Variants in DEPTOR observed in about 807,000 individuals in gnomAD.
DEPTOR encodes DEP domain containing MTOR interacting protein.
A neutral mutation model predicts 41.6 loss-of-function variants in DEPTOR; 41 were observed. The observed-to-expected ratio is 0.98, with a 90% confidence interval of 0.77 to 1.28. DEPTOR has a LOEUF of 1.28. Ranked by LOEUF, DEPTOR falls within the 50% of genes most tolerant of loss-of-function variation. DEPTOR has a pLI of 0.00. For synonymous variants in DEPTOR, 195 were observed against 192.3 expected, an observed-to-expected ratio of 1.01 and a Z score of -0.12; for missense variants, 514 against 527.9, an observed-to-expected ratio of 0.97 and a Z score of 0.26.
intron 3 of DEPTOR, among the ~76,000 whole-genome samples, chr8:119,954,918 G>A (rs1480892704): frequency 6.6e-6 from 1 of 151,926 alleles, no homozygotes; most frequent in Admixed American, 6.6e-5. Context: ...GAGTGCAGTG[G>A]CACAATCTTG....
chr8:119,893,315 AG>A (rs1827474324), intron 1 of DEPTOR, among the ~76,000 whole-genome samples: 1 of 152,202 alleles, frequency 6.6e-6, no homozygotes, highest in South Asian at 2.1e-4. Context: ...CTTTCCCTAA[AG>A]GGGAACACAG....
At position 120,025,299 on chromosome 8, in the gene DEPTOR, G is replaced by A. The variant is rs185091438; in HGVS notation, c.1101+16166G>A. Among the ~76,000 whole-genome samples the A allele has an allele frequency of 6.9e-4, 105 of 152,302 alleles. 1 individual carries two copies. Among genetic ancestry groups the A allele is most frequent in the African/African-American group, 2.4e-3 (98 of 41,564 alleles). Reference sequence around the variant, plus strand: ...AGAATTTTGTGATGAAGACTGTAAAGTCAAGTGTTGGGTCTGTCATTTTGC... The same window carrying A: ...AGAATTTTGTGATGAAGACTGTAAAATCAAGTGTTGGGTCTGTCATTTTGC... On this transcript the variant is annotated intron_variant, in intron 8 of 8. Transcript: ENST00000286234.
At chr8:120,010,678 T>G (rs571977870) in intron 8 of DEPTOR, among the ~76,000 whole-genome samples, 9 of 151,936 alleles carry the variant, frequency 5.9e-5, no homozygotes, top group African/African-American at 1.9e-4. Flanking sequence ...GGAAAATATA[T>G]GCAAGCAGGA....
chr8:119,999,184 G>T (rs1328966725), intron 4 of DEPTOR, among the ~76,000 whole-genome samples: 1 of 151,264 alleles, frequency 6.6e-6, no homozygotes, highest in Admixed American at 6.6e-5. Flanking sequence ...CAGGAGAATC[G>T]CTTGAACCCG....
intron 1 of DEPTOR, among the ~76,000 whole-genome samples, chr8:119,894,349 G>C (rs1490618192): frequency 4.0e-5 from 6 of 151,020 alleles, no homozygotes. Flanking sequence ...TATGTCTTTG[G>C]TGTGAACCAC....
At chr8:119,996,175 GA>G (rs2130065946) in intron 4 of DEPTOR, among the ~76,000 whole-genome samples, 1 of 152,272 alleles carries the variant, frequency 6.6e-6, no homozygotes, top group African/African-American at 2.4e-5. Flanking sequence ...CTGCTCCTGA[GA>G]CACTCGGATC....
intron 1 of DEPTOR, among the ~76,000 whole-genome samples, chr8:119,882,605 T>G (rs1424210403): frequency 1.3e-5 from 2 of 151,918 alleles, no homozygotes; most frequent in African/African-American, 4.8e-5. Flanking sequence ...GATGGGGTCT[T>G]GCCATGTTGC....
chr8:120,021,121 T>C (rs1028090881), intron 8 of DEPTOR, among the ~76,000 whole-genome samples: 3 of 65,328 alleles, frequency 4.6e-5, no homozygotes, highest in Admixed American at 1.9e-4. Flanking sequence ...AAATGGAATA[T>C]GTGGGCCAGG....
intron 3 of DEPTOR, among the ~76,000 whole-genome samples, chr8:119,961,460 C>T (rs534048743): frequency 1.7e-4 from 26 of 149,422 alleles, no homozygotes; most frequent in South Asian, 4.3e-4. Flanking sequence ...CTCAAAGCTA[C>T]TAAGTGACTC....
At chr8:119,992,803 C>T (rs1023729727) in intron 4 of DEPTOR, among the ~76,000 whole-genome samples, 2 of 151,774 alleles carry the variant, frequency 1.3e-5, no homozygotes, top group African/African-American at 2.4e-5. Flanking sequence ...ATTACAGGTG[C>T]GCACCACCAT....
intron 8 of DEPTOR, among the ~76,000 whole-genome samples, chr8:120,022,425 A>G (rs555991420): frequency 8.9e-4 from 135 of 152,266 alleles, no homozygotes; most frequent in African/African-American, 3.1e-3. Context: ...TCTTGGTACA[A>G]TCCTGTGCTT....
At chr8:119,994,696 T>A (rs1404749225) in intron 4 of DEPTOR, among the ~76,000 whole-genome samples, 1 of 152,042 alleles carries the variant, frequency 6.6e-6, no homozygotes, top group Non-Finnish European at 1.5e-5. Flanking sequence ...GGTGGGCAGA[T>A]CACGAGGTCA....
At chr8:119,957,177 C>A (rs540727177) in intron 3 of DEPTOR, among the ~76,000 whole-genome samples, 1 of 152,268 alleles carries the variant, frequency 6.6e-6, no homozygotes, top group Admixed American at 6.5e-5. Flanking sequence ...GAGTGAGCAA[C>A]TGCACCCAGC....
At chr8:119,945,702 T>C (rs1242669976) in intron 3 of DEPTOR, among the ~76,000 whole-genome samples, 1 of 152,224 alleles carries the variant, frequency 6.6e-6, no homozygotes. Context: ...AGAGGGTCAG[T>C]TGATTCCATC....
At chr8:119,960,730 T>C (rs1432964083) in intron 3 of DEPTOR, among the ~76,000 whole-genome samples, 1 of 152,188 alleles carries the variant, frequency 6.6e-6, no homozygotes, top group Non-Finnish European at 1.5e-5. Context: ...GAAAAGTGGC[T>C]CCCAGCACGT....
intron 3 of DEPTOR, among the ~76,000 whole-genome samples, chr8:119,961,506 A>G (rs1828492376): frequency 1.3e-5 from 2 of 151,998 alleles, no homozygotes; most frequent in Non-Finnish European, 2.9e-5. Flanking sequence ...TTCCTTGTCC[A>G]GTGTTCTTTC....
intron 3 of DEPTOR, among the ~76,000 whole-genome samples, chr8:119,940,393 G>C (rs1828187312): frequency 6.6e-6 from 1 of 152,148 alleles, no homozygotes; most frequent in Admixed American, 6.5e-5. Context: ...AGTGTTCACT[G>C]ATGAATGAAT....
chr8:119,874,019 G>A (rs1211400845), intron 1 of DEPTOR, 51 bp downstream of exon 1: 3 of 1,609,936 alleles, frequency 1.9e-6, no homozygotes, highest in Admixed American at 3.4e-5. Context: ...GCCAACGCGT[G>A]CCCGCTGCAG....
chr8:119,916,266 A>ATTTTTGTTTTTTTTTTTTTTTT (rs1827812381), intron 1 of DEPTOR, among the ~76,000 whole-genome samples: 2 of 123,294 alleles, frequency 1.6e-5, no homozygotes, highest in Non-Finnish European at 1.7e-5. Context: ...GGCTAGGCTA[A>ATTTTTGTTTTTTTTTTTTTTTT]TTTTTTTTTT....
Sources: allele counts gnomAD v4.1 joint callset (sites outside exome capture counted in the v4.1 genomes callset), GRCh38; gene constraint gnomAD v4.1.1; transcripts MANE v1.5; gene names NCBI Gene and HGNC (gene_info 2026-07-23, HGNC 2026-07-21).